The following OSMR variants were observed in gnomAD, a reference collection of about 807,000 sequenced individuals.
OSMR encodes oncostatin M receptor, also known as oncostatin-M-specific receptor subunit beta.
OSMR carries 81 observed loss-of-function variants against 99.9 expected under a neutral mutation model. The ratio of observed to expected loss-of-function variants is 0.81; its 90% confidence interval spans 0.68 to 0.97. The LOEUF is 0.97. Among genes scored for constraint, OSMR ranks in the 50% least tolerant of loss-of-function variants. The pLI, the probability that OSMR is intolerant of heterozygous loss-of-function variation, is 0.00. For missense variants in OSMR, 1,099 were observed against 1,153.4 expected (o/e 0.95, Z 0.68); for synonymous variants, 406 against 410.4 (o/e 0.99, Z 0.13).
chr5:38,911,192 A>T (rs984543786), intron 9 of OSMR, among the ~76,000 whole-genome samples: 3 of 152,184 alleles, frequency 2.0e-5, no homozygotes, highest in Admixed American at 6.5e-5. Context: ...CACGACCTAG[A>T]CTAATAAAGA....
chr5:38,924,220 G>A (rs1365294109), intron 13 of OSMR: 6 of 737,642 alleles, frequency 8.1e-6, no homozygotes, highest in African/African-American at 1.9e-5. Context: ...GGCAAGACTT[G>A]AACAAGATTG....
In OSMR at chr5:38,921,656, T is replaced by C; in HGVS notation, c.1627T>C (p.Phe543Leu). Reference protein sequence around the residue: ...EERIAGTEGGFSLSWKPQPGD... With the variant: ...EERIAGTEGGLSLSWKPQPGD... ...AAGAATTGCAGGCACAGAGGGTGGA[T>C]TCTCTCTGTCTTGGAAACCCCAACC... Residue 543 changes from phenylalanine to leucine, a missense_variant, in exon 12 of 18, where the codon TTC (phenylalanine) becomes CTC (leucine). Physicochemically the swap from Phe to Leu is conservative, Grantham distance 22. Coordinates refer to ENST00000274276, the MANE Select transcript of OSMR (RefSeq NM_003999.3). The C allele has an allele frequency of 6.2e-7, 1 of 1,614,016 alleles. No homozygotes were observed. Among genetic ancestry groups the C allele is most frequent in the Non-Finnish European group, 8.5e-7 (1 of 1,179,886 alleles).
intron 7 of OSMR, 114 bp downstream of exon 7, chr5:38,886,304 A>T (rs1417902681): frequency 6.3e-7 from 1 of 1,580,798 alleles, no homozygotes; most frequent in African/African-American, 1.4e-5. Flanking sequence ...CGGAGGTGAG[A>T]GTTAGAATTT....
intron 11 of OSMR, chr5:38,921,318 T>C (rs1746221809): frequency 6.2e-6 from 1 of 162,494 alleles, no homozygotes; most frequent in Admixed American, 6.5e-5. Context: ...CCTCAGAGGC[T>C]GGAATCATCC....
rs1308756252 is a variant in OSMR at position 38,918,916 on chromosome 5, G to C, written c.1439G>C (p.Ser480Thr). The change falls in exon 11 of 18, where the codon AGT becomes ACT. Residue 480 changes from serine (S) to threonine (T), a missense_variant. Ser to Thr is a moderately conservative substitution (Grantham distance 58). Transcript: ENST00000274276. Reference sequence around the variant, plus strand: ...GTAGAAAACCTAGACAAACCATCCAGTTCAGAGCTCCATTCCATTCCAGCA... The same window carrying C: ...GTAGAAAACCTAGACAAACCATCCACTTCAGAGCTCCATTCCATTCCAGCA... ...VVVENLDKPS[S>T]SELHSIPAPA... The C allele has an allele frequency of 3.1e-6, 5 of 1,613,980 alleles. No homozygotes were observed. Among genetic ancestry groups the C allele is most frequent in the Non-Finnish European group, 4.2e-6 (5 of 1,179,920 alleles).
intron 1 of OSMR, among the ~76,000 whole-genome samples, chr5:38,866,728 C>G (rs1005539417): frequency 6.7e-6 from 1 of 149,356 alleles, no homozygotes; most frequent in Non-Finnish European, 1.5e-5. Context: ...AGGGAGGGGG[C>G]GGGGACCCCA....
chr5:38,862,719 G>A (rs1741551306), intron 1 of OSMR, among the ~76,000 whole-genome samples: 1 of 151,844 alleles, frequency 6.6e-6, no homozygotes. Context: ...TCCTAGATGG[G>A]ATGGCGGCCG....
downstream of OSMR, among the ~76,000 whole-genome samples, chr5:38,936,447 T>C (rs544155552): frequency 2.6e-5 from 4 of 152,322 alleles, no homozygotes; most frequent in South Asian, 8.3e-4. Flanking sequence ...CGTCAGCCTG[T>C]GCACGGTCCT....
At position 38,876,375 on chromosome 5, in the gene OSMR, T is replaced by G. The variant is rs1742837784; in HGVS notation, c.246+2T>G. On this transcript the variant is annotated splice_donor_variant, in intron 3 of 17. Transcript: ENST00000274276. LOFTEE classifies it high-confidence loss of function. ...GAAACATCCAATGTCATCTGGGTGGTAAGTAATTTTTTTGGCTCAATATTT... is the reference window on the plus strand; with the variant it reads ...GAAACATCCAATGTCATCTGGGTGGGAAGTAATTTTTTTGGCTCAATATTT... 1 of 1,611,666 alleles carries G rather than the reference T, an allele frequency of 6.2e-7. No homozygotes were observed. Among genetic ancestry groups the G allele is most frequent in the Non-Finnish European group, 8.5e-7 (1 of 1,178,482 alleles).
chr5:38,921,566 A>G, intron 11 of OSMR, 49 bp from the exon 12 acceptor site: 1 of 1,613,058 alleles, frequency 6.2e-7, no homozygotes, highest in Non-Finnish European at 8.5e-7. Flanking sequence ...ACTTAAAACA[A>G]TTTACAGTTA....
chr5:38,918,416 C>T lies in OSMR; in HGVS notation c.1363-424C>T, dbSNP rs567597104. On this transcript the variant is annotated intron_variant, in intron 10 of 17. Transcript: ENST00000274276. ...GTATGGAGAGCAGCTAATCCCTGTA[C>T]GGCTGCATAGGGGTAACATGGCTGG... 6.6e-5 allele frequency among the ~76,000 whole-genome samples: 10 copies of T among 152,226 alleles called. No homozygotes were observed. In the South Asian group the frequency reaches 1.7e-3, roughly 25 times the overall value.
chr5:38,942,953 A>T (rs1747749931), intron 1 of OSMR: 1 of 1,605,116 alleles, frequency 6.2e-7, no homozygotes, highest in Non-Finnish European at 8.5e-7. Flanking sequence ...CAAATGTTTG[A>T]GGATACTTCT....
Position 38,933,205 on chromosome 5 carries a change from T to G in OSMR, c.2701T>G (p.Tyr901Asp). 1.9e-6 allele frequency: 3 copies of G among 1,614,160 alleles called. No homozygotes were observed. Among genetic ancestry groups the G allele is most frequent in the Non-Finnish European group, 2.5e-6 (3 of 1,180,016 alleles). ...ENVLKALEKNYMNSLGEIPAG... is the reference protein window; with the variant it reads ...ENVLKALEKNDMNSLGEIPAG... ...TGTACTAAAGGCACTAGAAAAAAACTACATGAACTCCCTGGGAGAAATCCC... is the reference window on the plus strand; with the variant it reads ...TGTACTAAAGGCACTAGAAAAAAACGACATGAACTCCCTGGGAGAAATCCC... Residue 901 changes from tyrosine (Y) to aspartate (D), a missense_variant, in exon 18 of 18, where the codon TAC (tyrosine) becomes GAC (aspartate). Transcript: ENST00000274276.
Position 38,866,607 on chromosome 5 carries a change from A to C in OSMR, c.-13-2425A>C, listed in dbSNP as rs572317100. On this transcript the variant is annotated intron_variant, in intron 1 of 17. Transcript: ENST00000274276. ...CAACACCACAGCCCTCTGAATGGAT[A>C]TTGGGTGATGTCCGCAGGGCTGCAG... Among the ~76,000 whole-genome samples the C allele has an allele frequency of 9.2e-5, 14 of 151,544 alleles. No individual in the cohort carries two copies. In the South Asian group the frequency reaches 2.9e-3, roughly 32 times the overall value.
At chr5:38,903,796 A>G in intron 7 of OSMR, 86 bp from the exon 8 acceptor site, 2 of 1,537,182 alleles carry the variant, frequency 1.3e-6, no homozygotes, top group Non-Finnish European at 1.7e-6. Context: ...TGTTGAACAA[A>G]TAAATGAAGA....
downstream of OSMR, chr5:38,940,144 A>AAAAAAAAAAAAC (rs1561426227): frequency 5.7e-5 from 8 of 140,866 alleles, no homozygotes; most frequent in South Asian, 2.9e-4. Flanking sequence ...AAAAAAAAAC[A>AAAAAAAAAAAAC]AAAAAAAAAA....
chr5:38,936,547 A>G (rs1030775266), downstream of OSMR, among the ~76,000 whole-genome samples: 3 of 152,150 alleles, frequency 2.0e-5, no homozygotes, highest in African/African-American at 7.2e-5. Flanking sequence ...TCCTACATTC[A>G]AACACCTAAC....
At chr5:38,850,870 G>A (rs998724349) in intron 1 of OSMR, among the ~76,000 whole-genome samples, 5 of 152,160 alleles carry the variant, frequency 3.3e-5, no homozygotes, top group Non-Finnish European at 7.3e-5. Flanking sequence ...ATATACTTCA[G>A]TGTGTCTGTC....
At chr5:38,919,470 T>C (rs2112641398) in intron 11 of OSMR, 2 of 658,380 alleles carry the variant, frequency 3.0e-6, no homozygotes, top group South Asian at 3.6e-5. Flanking sequence ...AAAGAGTCCA[T>C]GAACATTTCC....
Sources: gnomAD v4.1 joint callset for allele counts (sites outside exome capture counted in the v4.1 genomes callset) on GRCh38, gnomAD v4.1.1 for gene constraint, MANE v1.5 for transcripts, NCBI Gene and HGNC (gene_info 2026-07-23, HGNC 2026-07-21) for gene names.